Variants in PDE9A observed in about 807,000 individuals in gnomAD.
PDE9A encodes the protein phosphodiesterase 9A.
PDE9A carries 60 observed loss-of-function variants against 87.4 expected under a neutral mutation model. The ratio of observed to expected loss-of-function variants is 0.69; its 90% CI spans 0.56 to 0.85. The LOEUF is 0.85. Ranked by LOEUF, PDE9A falls within the 40% of genes least tolerant of loss-of-function variation. The pLI, the probability that PDE9A is intolerant of heterozygous loss-of-function variation, is 0.00. For synonymous variants in PDE9A, 272 were observed against 279.4 expected (o/e 0.97, Z 0.27); for missense variants, 665 against 779.0 (o/e 0.85, Z 1.74).
intron 3 of PDE9A, among the ~76,000 whole-genome samples, chr21:42,690,697 T>C (rs1345739099): frequency 6.6e-6 from 1 of 151,956 alleles, no homozygotes; most frequent in Non-Finnish European, 1.5e-5. Context: ...CCAGCCTGCC[T>C]CTCCCACACG....
chr21:42,661,645 G>C (rs899700855), intron 1 of PDE9A, among the ~76,000 whole-genome samples: 1 of 152,166 alleles, frequency 6.6e-6, no homozygotes, highest in African/African-American at 2.4e-5. Flanking sequence ...CGGATGAATC[G>C]ATGAAACTGC....
chr21:42,754,482 T>C (rs2269159), intron 10 of PDE9A, among the ~76,000 whole-genome samples: 58,153 of 152,172 alleles, frequency 0.38, 11,755 homozygotes, highest in South Asian at 0.57. Context: ...GAGAGCAGTG[T>C]CTGCAAAGGC....
In PDE9A at chr21:42,695,376, C is replaced by G. The variant is rs55653501; in HGVS notation, c.219-3592C>G. Among the ~76,000 whole-genome samples, 4 of 152,180 alleles carry G rather than the reference C, an allele frequency of 2.6e-5. No homozygotes were observed. The East Asian group carries it at 7.7e-4, about 29-fold the overall frequency. On this transcript the variant is annotated intron_variant, in intron 3 of 19. Transcript: ENST00000291539. The surrounding 1 kb of genome is among the most constrained non-coding windows in gnomAD (Gnocchi z 4.3). ...AACATGGGCGTTGCTTCCTGACAAC[C>G]CTACCCCTTCCATTCCCCAGTCACT... is the stretch of plus-strand genomic sequence containing the variant.
intron 4 of PDE9A, among the ~76,000 whole-genome samples, chr21:42,706,973 G>A (rs984239423): frequency 3.3e-5 from 5 of 152,120 alleles, no homozygotes; most frequent in South Asian, 2.1e-4. Context: ...GCGTGGCTGC[G>A]TCCTGTGGCT....
At chr21:42,762,048 C>A (rs755285825) in intron 13 of PDE9A, 35 bp from the exon 14 acceptor site, 16 of 1,599,640 alleles carry the variant, frequency 1.0e-5, no homozygotes, top group East Asian at 2.2e-5. Context: ...GGTGAGGGCG[C>A]CTGAGTCTCC....
intron 1 of PDE9A, among the ~76,000 whole-genome samples, chr21:42,670,342 A>T (rs914132191): frequency 1.1e-5 from 1 of 88,896 alleles, no homozygotes; most frequent in African/African-American, 7.0e-5. Context: ...ACATTCACAT[A>T]CATTTACACA....
chr21:42,670,560 TCA>T (rs1416076860), intron 1 of PDE9A, among the ~76,000 whole-genome samples: 4 of 150,588 alleles, frequency 2.7e-5, no homozygotes, highest in Non-Finnish European at 4.4e-5. Context: ...ACCCACACAT[TCA>T]CACATACACA....
At chr21:42,754,215 G>A in intron 10 of PDE9A, 151 bp downstream of exon 10, 1 of 596,400 alleles carries the variant, frequency 1.7e-6, no homozygotes, top group South Asian at 2.0e-5. Context: ...TGTTTTGCCA[G>A]GTTTTAGTTG....
At position 42,723,697 on chromosome 21, in the gene PDE9A, C is replaced by T. The variant is rs2050752052; in HGVS notation, c.263-8073C>T. Among the ~76,000 whole-genome samples, 2 of 152,076 alleles carry T rather than the reference C, an allele frequency of 1.3e-5. No individual in the cohort carries two copies. The highest frequency in any genetic ancestry group is 1.3e-4 in the Admixed American group (2 of 15,276). ...TGTCTGTGAATATCAGCTTGCTCTC[C>T]CTAGGTTTCCATCACATGGATCAGC... On this transcript the variant is annotated intron_variant, in intron 4 of 19. Transcript: ENST00000291539. The surrounding 1 kb of genome is among the most constrained non-coding windows in gnomAD (Gnocchi z 4.3).
chr21:42,726,624 A>ATATATATTTTT, intron 4 of PDE9A, among the ~76,000 whole-genome samples: 12 of 19,782 alleles, frequency 6.1e-4, no homozygotes, highest in Admixed American at 8.2e-4. Flanking sequence ...ATATATATAT[A>ATATATATTTTT]TTTTTTTTTT....
At chr21:42,681,194 G>A (rs991821760) in intron 1 of PDE9A, among the ~76,000 whole-genome samples, 1 of 152,250 alleles carries the variant, frequency 6.6e-6, no homozygotes, top group African/African-American at 2.4e-5. Flanking sequence ...GCTCCCACTG[G>A]TTATGCGCTT....
At chr21:42,679,418 C>T (rs76443748) in intron 1 of PDE9A, among the ~76,000 whole-genome samples, 1 of 151,786 alleles carries the variant, frequency 6.6e-6, no homozygotes, top group Non-Finnish European at 1.5e-5. Context: ...TCGGGGCTCT[C>T]AGAAATCCCT....
intron 1 of PDE9A, among the ~76,000 whole-genome samples, chr21:42,665,939 C>A (rs542922944): frequency 6.6e-6 from 1 of 152,354 alleles, no homozygotes; most frequent in East Asian, 1.9e-4. Flanking sequence ...CATGAGGCCC[C>A]GTTGAAGTCA....
At chr21:42,771,831 C>G (rs1436562744) in intron 18 of PDE9A, among the ~76,000 whole-genome samples, 1 of 152,252 alleles carries the variant, frequency 6.6e-6, no homozygotes, top group African/African-American at 2.4e-5. Context: ...AAATCCAGAC[C>G]AGCTGCCCTG....
At chr21:42,766,299 TG>T (rs1330424709) in intron 15 of PDE9A, among the ~76,000 whole-genome samples, 1 of 152,084 alleles carries the variant, frequency 6.6e-6, no homozygotes, top group Non-Finnish European at 1.5e-5. Context: ...CACTCCAGCC[TG>T]GGCAACAGAG....
chr21:42,715,231 T>C (rs556721985), intron 4 of PDE9A, among the ~76,000 whole-genome samples: 1 of 151,970 alleles, frequency 6.6e-6, no homozygotes, highest in South Asian at 2.1e-4. Context: ...CTTTGTTTTT[T>C]AGATTCACGG....
intron 15 of PDE9A, among the ~76,000 whole-genome samples, chr21:42,766,078 C>T (rs2056370983): frequency 1.3e-5 from 2 of 152,354 alleles, no homozygotes; most frequent in Middle Eastern, 3.4e-3. Context: ...GCCTGGAATC[C>T]AGCACTTTGG....
Position 42,653,842 on chromosome 21 carries a change from C to G in PDE9A, c.28C>G (p.Pro10Ala), listed in dbSNP as rs1379883908. The G allele has an allele frequency of 6.4e-7, 1 of 1,570,676 alleles. No homozygotes were observed. The highest frequency in any genetic ancestry group is 8.6e-7 in the Non-Finnish European group (1 of 1,159,474). MGSGSSSYR[P>A]KAIYLDIDGR... is the part of the protein sequence containing the mutation. The stretch of plus-strand genomic sequence containing the variant: ...GGGATCCGGCTCCTCCAGCTACCGG[C>G]CCAAGGCCATCTACCTGGACATCGA... The change falls in exon 1 of 20, where the codon CCC (proline) becomes GCC (alanine). Residue 10 changes from proline to alanine, a missense_variant. Transcript: ENST00000291539.
rs1260635654 is a variant in PDE9A at position 42,696,897 on chromosome 21, C to T, written c.219-2071C>T. 2.0e-5 allele frequency among the ~76,000 whole-genome samples: 3 copies of T among 152,194 alleles called. No individual in the cohort carries two copies. Among genetic ancestry groups the T allele is most frequent in the Non-Finnish European group, 2.9e-5 (2 of 68,036 alleles). On this transcript the variant is annotated intron_variant, in intron 3 of 19. Transcript: ENST00000291539. This position sits in a 1 kb window ranked among gnomAD's most constrained non-coding sequence, Gnocchi z 5.1. The stretch of plus-strand genomic sequence containing the variant: ...CCGAGTGCCCTCTCCACCTGGGGAG[C>T]TTGGAGGACTTTGCTCTGCACTTAG...
Sources: allele counts gnomAD v4.1 joint callset (sites outside exome capture counted in the v4.1 genomes callset), GRCh38; gene constraint gnomAD v4.1.1; non-coding constraint Gnocchi (gnomAD v3.1); transcripts MANE v1.5; gene names NCBI Gene and HGNC (gene_info 2026-07-23, HGNC 2026-07-21).